Variants in GRID2 observed in about 807,000 individuals in gnomAD.
GRID2 encodes glutamate receptor ionotropic, delta-2.
GRID2 carries 33 observed loss-of-function variants against 114.8 expected under a neutral mutation model. The observed-to-expected ratio is 0.29, with a 90% CI of 0.22 to 0.38. The LOEUF is 0.38. Ranked by LOEUF, GRID2 falls within the 10% of genes least tolerant of loss-of-function variation. The pLI is 1.00. For synonymous variants in GRID2, 505 were observed against 449.9 expected, an observed-to-expected ratio of 1.12 and a Z score of -1.55; for missense variants, 1,184 against 1,257.7, an observed-to-expected ratio of 0.94 and a Z score of 0.89.
intron 2 of GRID2, among the ~76,000 whole-genome samples, chr4:92,940,304 A>T (rs1365694395): frequency 2.0e-5 from 3 of 146,758 alleles, no homozygotes; most frequent in African/African-American, 7.3e-5. Flanking sequence ...TTGGATTCCT[A>T]GGTATTTTAT....
chr4:93,218,817 T>C (rs908057154), intron 6 of GRID2, among the ~76,000 whole-genome samples: 12 of 152,140 alleles, frequency 7.9e-5, no homozygotes, highest in Admixed American at 6.6e-5. Context: ...GAAACTTACA[T>C]TCATGGTGAA....
At chr4:92,856,383 A>G (rs1463384013) in intron 2 of GRID2, among the ~76,000 whole-genome samples, 2 of 152,034 alleles carry the variant, frequency 1.3e-5, no homozygotes, top group African/African-American at 4.8e-5. Context: ...TCCATTCTTA[A>G]CAAGCAATAT....
At chr4:92,642,791 G>A (rs1213735389) in intron 2 of GRID2, among the ~76,000 whole-genome samples, 1 of 151,576 alleles carries the variant, frequency 6.6e-6, no homozygotes, top group African/African-American at 2.4e-5. Context: ...ATAGTGTGAG[G>A]TCTTCCACTT....
chr4:93,367,174 G>T (rs941942727), intron 8 of GRID2, among the ~76,000 whole-genome samples: 4 of 150,352 alleles, frequency 2.7e-5, no homozygotes, highest in African/African-American at 9.7e-5. Context: ...TTGAATTATG[G>T]AGCCTGTGGC....
intron 1 of GRID2, among the ~76,000 whole-genome samples, chr4:92,567,276 T>C (rs1727382874): frequency 6.6e-6 from 1 of 151,984 alleles, no homozygotes; most frequent in South Asian, 2.1e-4. Flanking sequence ...ACTTCAAAAT[T>C]ATATTCTTCT....
intron 2 of GRID2, among the ~76,000 whole-genome samples, chr4:93,003,217 A>T (rs534126062): frequency 3.3e-4 from 50 of 152,050 alleles, no homozygotes; most frequent in African/African-American, 1.1e-3. Context: ...TATTTATTTA[A>T]TCTTTTTATT....
chr4:93,431,470 G>T (rs935775466), intron 10 of GRID2, among the ~76,000 whole-genome samples: 2 of 152,120 alleles, frequency 1.3e-5, no homozygotes, highest in African/African-American at 4.8e-5. Context: ...GCTATGACTA[G>T]CAATGTCAGA....
intron 1 of GRID2, among the ~76,000 whole-genome samples, chr4:92,540,937 T>G (rs1459010358): frequency 2.0e-5 from 3 of 152,210 alleles, no homozygotes; most frequent in Non-Finnish European, 2.9e-5. Context: ...ATGTGGCATA[T>G]ATACACCATG....
In GRID2 at chr4:92,956,071, A is replaced by G. The variant is rs550304567; in HGVS notation, c.245-128924A>G. Among the ~76,000 whole-genome samples the G allele has an allele frequency of 5.9e-5, 9 of 152,340 alleles. No homozygotes were observed. In the East Asian group the frequency reaches 1.7e-3, roughly 29 times the overall value. ...TATTTAGAAAGAAAACAAAAAACAA[A>G]AACAATTTTTGGAACAGTTGTAGGT... On this transcript the variant is annotated intron_variant, in intron 2 of 15. Coordinates refer to ENST00000282020, the MANE Select transcript of GRID2 (RefSeq NM_001510.4).
At chr4:93,178,960 G>C (rs1739630069) in intron 4 of GRID2, among the ~76,000 whole-genome samples, 1 of 152,080 alleles carries the variant, frequency 6.6e-6, no homozygotes, top group Admixed American at 6.6e-5. Context: ...TAGGGTATAA[G>C]TCAAGATTTC....
chr4:93,181,169 G>A (rs777765866), intron 4 of GRID2, among the ~76,000 whole-genome samples: 14 of 152,136 alleles, frequency 9.2e-5, no homozygotes, highest in Middle Eastern at 3.4e-3. Flanking sequence ...TTGTATTAGC[G>A]GGCATGAAAA....
chr4:93,293,796 G>A (rs1029271202), intron 8 of GRID2, among the ~76,000 whole-genome samples: 2 of 152,170 alleles, frequency 1.3e-5, no homozygotes, highest in African/African-American at 2.4e-5. Context: ...AGCTCACTCA[G>A]TCATCCATTC....
intron 3 of GRID2, among the ~76,000 whole-genome samples, chr4:93,093,154 G>T (rs1730924202): frequency 6.6e-6 from 1 of 151,980 alleles, no homozygotes; most frequent in African/African-American, 2.4e-5. Flanking sequence ...CATGCTTGTT[G>T]GCCCCTGCAC....
intron 12 of GRID2, among the ~76,000 whole-genome samples, chr4:93,498,804 A>T (rs1254575022): frequency 2.0e-5 from 3 of 151,894 alleles, no homozygotes; most frequent in Non-Finnish European, 2.9e-5. Flanking sequence ...TAGAATTTAC[A>T]ATACTATGTC....
intron 2 of GRID2, among the ~76,000 whole-genome samples, chr4:92,880,407 A>G (rs909002436): frequency 6.6e-6 from 1 of 152,114 alleles, no homozygotes; most frequent in South Asian, 2.1e-4. Context: ...TCAGTGAACA[A>G]ATTTTTTTCC....
At chr4:92,654,152 T>G (rs1163903674) in intron 2 of GRID2, among the ~76,000 whole-genome samples, 2 of 151,986 alleles carry the variant, frequency 1.3e-5, no homozygotes, top group Admixed American at 6.6e-5. Flanking sequence ...AATTTATTTT[T>G]CACAGTTCTG....
At chr4:92,791,567 A>C (rs1010365894) in intron 2 of GRID2, among the ~76,000 whole-genome samples, 1 of 151,924 alleles carries the variant, frequency 6.6e-6, no homozygotes, top group Non-Finnish European at 1.5e-5. Context: ...ACCTGTTAGG[A>C]AGCTGTAGAA....
At chr4:92,592,038 G>A (rs547337525) in intron 2 of GRID2, among the ~76,000 whole-genome samples, 1 of 151,894 alleles carries the variant, frequency 6.6e-6, no homozygotes, top group East Asian at 1.9e-4. Flanking sequence ...ATATTTAAAA[G>A]CAGTATAAAT....
intron 2 of GRID2, among the ~76,000 whole-genome samples, chr4:93,021,735 GA>G (rs1723361685): frequency 7.0e-6 from 1 of 142,180 alleles, no homozygotes; most frequent in South Asian, 2.2e-4. Context: ...TGTATATTAT[GA>G]ATATTATAAT....
Sources: allele counts gnomAD v4.1 joint callset (sites outside exome capture counted in the v4.1 genomes callset), GRCh38; gene constraint gnomAD v4.1.1; transcripts MANE v1.5; gene names NCBI Gene and HGNC (gene_info 2026-07-23, HGNC 2026-07-21).